Variants in TTLL6 observed in about 807,000 individuals in gnomAD.
The protein encoded by TTLL6 is tubulin polyglutamylase TTLL6.
A neutral mutation model predicts 96.4 loss-of-function variants in TTLL6; 75 were observed. The ratio of observed to expected loss-of-function variants is 0.78; its 90% CI spans 0.65 to 0.94. The LOEUF (loss-of-function observed/expected upper bound fraction) is 0.94, where lower values mean the gene tolerates loss of function less well. TTLL6 is among the 40% of genes least tolerant of loss of function. TTLL6 has a pLI of 0.00. For missense variants in TTLL6, 1,030 were observed against 1,093.0 expected (o/e 0.94, Z 0.81); for synonymous variants, 411 against 419.4 (o/e 0.98, Z 0.24).
In TTLL6 at chr17:48,796,159, A is replaced by T; in HGVS notation, c.913-13T>A. ...TGCAGATATCATCCTGGGGAAAAAG[A>T]CACACATCTGTCGGGTCAGCTCGGA... On this transcript the variant is annotated splice_polypyrimidine_tract_variant and intron_variant, in intron 7 of 15. Coordinates refer to ENST00000393382, the MANE Select transcript of TTLL6 (RefSeq NM_001130918.3). 1 of 1,549,144 alleles carries T rather than the reference A, an allele frequency of 6.5e-7. No homozygotes were observed. The highest frequency in any genetic ancestry group is 8.7e-7 in the Non-Finnish European group (1 of 1,144,878).
intron 11 of TTLL6, among the ~76,000 whole-genome samples, 179 bp from the exon 12 acceptor site, chr17:48,786,514 T>A (rs1398537142): frequency 6.6e-6 from 1 of 152,190 alleles, no homozygotes; most frequent in Non-Finnish European, 1.5e-5. Flanking sequence ...GAGGAAAGCA[T>A]CATTCTGCCA....
intron 3 of TTLL6, among the ~76,000 whole-genome samples, chr17:48,803,545 G>A (rs954653089): frequency 6.6e-6 from 1 of 150,834 alleles, no homozygotes; most frequent in Non-Finnish European, 1.5e-5. Flanking sequence ...TAGAAAATAG[G>A]TCTGTAGATC....
At chr17:48,805,692 G>T (rs75304216) in intron 1 of TTLL6, among the ~76,000 whole-genome samples, 7 of 152,250 alleles carry the variant, frequency 4.6e-5, no homozygotes, top group Non-Finnish European at 8.8e-5. Context: ...GCCAAATATC[G>T]CCAGGCGCAG....
chr17:48,786,516 A>G lies in TTLL6; in HGVS notation c.1590-181T>C, dbSNP rs118141447. Among the ~76,000 whole-genome samples, 277 of 152,348 alleles carry G rather than the reference A, an allele frequency of 1.8e-3. 1 individual carries two copies. Among genetic ancestry groups the G allele is most frequent in the Non-Finnish European group, 2.9e-3 (195 of 68,038 alleles). ...GGAGCAGGGTGTGGAGGAAAGCATCATTCTGCCAACCATACCATCCCCTGT... is the reference window on the plus strand; with the variant it reads ...GGAGCAGGGTGTGGAGGAAAGCATCGTTCTGCCAACCATACCATCCCCTGT... On this transcript the variant is annotated intron_variant, in intron 11 of 15. Coordinates refer to ENST00000393382, the MANE Select transcript of TTLL6 (RefSeq NM_001130918.3).
At chr17:48,782,879 A>AATTTTTGT (rs1458089633) in intron 13 of TTLL6, among the ~76,000 whole-genome samples, 5 of 151,672 alleles carry the variant, frequency 3.3e-5, no homozygotes, top group Non-Finnish European at 5.9e-5. Context: ...ATGCCCAGCT[A>AATTTTTGT]ATTTTTGTAT....
intron 5 of TTLL6, chr17:48,800,276 C>T (rs965214870): frequency 6.5e-6 from 1 of 153,368 alleles, no homozygotes; most frequent in Non-Finnish European, 1.5e-5. Context: ...TCGTCTGTGA[C>T]ACCTCCATTT....
chr17:48,783,620 G>A (rs1262254706), intron 13 of TTLL6, among the ~76,000 whole-genome samples: 1 of 151,842 alleles, frequency 6.6e-6, no homozygotes, highest in Non-Finnish European at 1.5e-5. Context: ...TAGTAGAGAT[G>A]GGGTTTCACC....
chr17:48,782,521 T>G (rs1009843384), intron 13 of TTLL6, among the ~76,000 whole-genome samples: 4 of 152,202 alleles, frequency 2.6e-5, no homozygotes, highest in Admixed American at 2.6e-4. Context: ...TTGCCTTTAC[T>G]GTGCAAAAGC....
chr17:48,806,803 G>A (rs2039511181), intron 1 of TTLL6, among the ~76,000 whole-genome samples: 3 of 152,010 alleles, frequency 2.0e-5, no homozygotes, highest in African/African-American at 7.2e-5. Context: ...GGCTGAGGCA[G>A]GCAGATCACT....
At chr17:48,811,963 AGT>A (rs1401064846) in intron 1 of TTLL6, among the ~76,000 whole-genome samples, 13 of 151,902 alleles carry the variant, frequency 8.6e-5, no homozygotes, top group Non-Finnish European at 2.9e-5. Flanking sequence ...GGCCTCCCAA[AGT>A]GTTGGGATTA....
Position 48,783,682 on chromosome 17 carries a change from C to T in TTLL6, c.2040+1241G>A, listed in dbSNP as rs536634631. 2.0e-5 allele frequency among the ~76,000 whole-genome samples: 3 copies of T among 152,218 alleles called. No homozygotes were observed. The South Asian group carries it at 6.2e-4, about 32-fold the overall frequency. ...CTGACCTCCAGTGATCCATCTGCTT[C>T]GGCCTCCCAAAGTGCTGGGATAACA... On this transcript the variant is annotated intron_variant, in intron 13 of 15. Coordinates refer to ENST00000393382, the MANE Select transcript of TTLL6 (RefSeq NM_001130918.3).
At chr17:48,794,581 C>T (rs1377395129) in intron 8 of TTLL6, among the ~76,000 whole-genome samples, 1 of 152,190 alleles carries the variant, frequency 6.6e-6, no homozygotes, top group Non-Finnish European at 1.5e-5. Context: ...CAGCTGATGC[C>T]CACAGCCCAG....
intron 10 of TTLL6, among the ~76,000 whole-genome samples, chr17:48,788,479 A>G (rs1026440912): frequency 2.8e-4 from 43 of 152,216 alleles, no homozygotes; most frequent in Non-Finnish European, 5.7e-4. Context: ...AGAAATGATA[A>G]GCCCCCTTTT....
chr17:48,767,615 G>A (rs563418083), intron 15 of TTLL6, among the ~76,000 whole-genome samples: 3 of 152,296 alleles, frequency 2.0e-5, no homozygotes, highest in South Asian at 2.1e-4. Flanking sequence ...TAAGCTTTGC[G>A]TGGCAGGGTG....
At chr17:48,814,916 C>G (rs756317317) in intron 1 of TTLL6, among the ~76,000 whole-genome samples, 1 of 152,092 alleles carries the variant, frequency 6.6e-6, no homozygotes, top group African/African-American at 2.4e-5. Flanking sequence ...GGAGCTGGGA[C>G]TACAGGCATG....
Position 48,801,246 on chromosome 17 carries a change from G to A in TTLL6, c.611+9C>T. On this transcript the variant is annotated intron_variant, in intron 5 of 15. Coordinates refer to ENST00000393382, the MANE Select transcript of TTLL6 (RefSeq NM_001130918.3). ...GTGGAGAAGGAAGTACAGGGCGGGG[G>A]GCACTCACTCAGCAGGAAGACACCA... 1 of 1,550,996 alleles carries A rather than the reference G, an allele frequency of 6.4e-7. No individual in the cohort carries two copies. The highest frequency in any genetic ancestry group is 8.7e-7 in the Non-Finnish European group (1 of 1,146,498).
intron 7 of TTLL6, among the ~76,000 whole-genome samples, chr17:48,796,590 G>A (rs1234901442): frequency 1.3e-5 from 2 of 150,190 alleles, no homozygotes; most frequent in African/African-American, 4.9e-5. Context: ...CTGCACTCCA[G>A]CCTAGGCGAC....
Position 48,804,867 on chromosome 17 carries a change from T to C in TTLL6, c.228A>G (p.Glu76=). ...CTCTCACAAAAGCCAGCGCGACGGT[T>C]TCTTTTGGATCTTCTTTGGAACTGT... The part of the protein sequence containing the change: ...KGDSSKEDPK[E]TVALAFVREN... Residue 76 remains glutamate, a synonymous_variant, in exon 2 of 16, where the codon GAA becomes GAG. Transcript: ENST00000393382. 6.4e-7 allele frequency: 1 copy of C among 1,552,342 alleles called. No individual in the cohort carries two copies. The highest frequency in any genetic ancestry group is 8.7e-7 in the Non-Finnish European group (1 of 1,147,130).
chr17:48,814,108 C>T (rs954264704), intron 1 of TTLL6, among the ~76,000 whole-genome samples: 1 of 152,080 alleles, frequency 6.6e-6, no homozygotes, highest in Non-Finnish European at 1.5e-5. Flanking sequence ...TACTTGAGGT[C>T]AGGAGTTGGA....
Sources: allele counts gnomAD v4.1 joint callset (sites outside exome capture counted in the v4.1 genomes callset), GRCh38; gene constraint gnomAD v4.1.1; transcripts MANE v1.5; gene names NCBI Gene and HGNC (gene_info 2026-07-23, HGNC 2026-07-21).